Variants in CDH18 observed in about 807,000 individuals in gnomAD.
The protein encoded by CDH18 is cadherin-18.
CDH18 carries 31 observed loss-of-function variants against 67.9 expected under a neutral mutation model. That is an observed-to-expected ratio of 0.46 (90% CI 0.34 to 0.62). The LOEUF is 0.62. Ranked by LOEUF, CDH18 falls within the 20% of genes least tolerant of loss-of-function variation. The probability of loss-of-function intolerance (pLI) is 0.01; values close to 1 mark genes in which losing one functional copy is unlikely to be tolerated. For missense variants in CDH18, 890 were observed against 975.5 expected, an observed-to-expected ratio of 0.91 and a Z score of 1.17; for synonymous variants, 362 against 347.2, an observed-to-expected ratio of 1.04 and a Z score of -0.48.
intron 2 of CDH18, among the ~76,000 whole-genome samples, chr5:20,042,842 G>A (rs1241345799): frequency 6.6e-6 from 1 of 151,886 alleles, no homozygotes; most frequent in Admixed American, 6.6e-5. Context: ...GGCGCCTGTA[G>A]TCCCAGCTAC....
chr5:20,215,248 C>T (rs541151530), intron 2 of CDH18, among the ~76,000 whole-genome samples: 1 of 151,756 alleles, frequency 6.6e-6, no homozygotes, highest in Admixed American at 6.6e-5. Context: ...TTGAGCAATA[C>T]TCGAACAATT....
At chr5:20,081,487 T>G (rs1467547938) in intron 2 of CDH18, among the ~76,000 whole-genome samples, 1 of 152,158 alleles carries the variant, frequency 6.6e-6, no homozygotes, top group Non-Finnish European at 1.5e-5. Context: ...ACCATAAAGA[T>G]ACATGCATAA....
At chr5:19,834,466 A>C (rs951722299) in intron 3 of CDH18, among the ~76,000 whole-genome samples, 1 of 151,700 alleles carries the variant, frequency 6.6e-6, no homozygotes, top group Non-Finnish European at 1.5e-5. Flanking sequence ...ATTTTTTTCA[A>C]AAAAAACAGC....
chr5:20,304,494 T>G, intron 1 of CDH18: 2 of 1,592,916 alleles, frequency 1.3e-6, no homozygotes, highest in Non-Finnish European at 8.6e-7. Context: ...TCCAATGGTT[T>G]AGTGCGAAAT....
chr5:19,579,901 C>G (rs1742954153), intron 7 of CDH18, among the ~76,000 whole-genome samples: 1 of 151,538 alleles, frequency 6.6e-6, no homozygotes, highest in South Asian at 2.1e-4. Flanking sequence ...TCAATCCACC[C>G]CCCCCAAAGA....
chr5:19,541,893 C>T (rs1490698708), intron 9 of CDH18, among the ~76,000 whole-genome samples: 1 of 152,130 alleles, frequency 6.6e-6, no homozygotes, highest in African/African-American at 2.4e-5. Flanking sequence ...TATTTCTTAA[C>T]TAAGTTTTAA....
chr5:20,033,645 A>G (rs980495656), intron 2 of CDH18, among the ~76,000 whole-genome samples: 1 of 152,050 alleles, frequency 6.6e-6, no homozygotes, highest in Non-Finnish European at 1.5e-5. Flanking sequence ...TCAGAAAGAG[A>G]CTATTTTAAA....
intron 1 of CDH18, among the ~76,000 whole-genome samples, chr5:20,508,204 A>C (rs930017603): frequency 2.6e-5 from 4 of 151,262 alleles, no homozygotes; most frequent in Non-Finnish European, 1.5e-5. Flanking sequence ...ACTTTTCTTA[A>C]AACACAATGT....
chr5:20,189,423 TC>T, intron 2 of CDH18, among the ~76,000 whole-genome samples: 1 of 152,238 alleles, frequency 6.6e-6, no homozygotes. Flanking sequence ...TGGAAGACAT[TC>T]AAATGATAAC....
intron 4 of CDH18, among the ~76,000 whole-genome samples, chr5:19,736,476 T>C (rs1768342635): frequency 6.6e-6 from 1 of 152,190 alleles, no homozygotes; most frequent in African/African-American, 2.4e-5. Flanking sequence ...TCTTGAAAGA[T>C]AAATAATGAT....
chr5:19,574,080 T>C (rs1348064884), intron 7 of CDH18, among the ~76,000 whole-genome samples: 1 of 152,178 alleles, frequency 6.6e-6, no homozygotes, highest in African/African-American at 2.4e-5. Context: ...TTTTGGACTT[T>C]TCAATGAAAT....
rs144349245 is a variant in CDH18 at position 19,554,677 on chromosome 5, T to C, written c.1254-10672A>G. Among the ~76,000 whole-genome samples the C allele has an allele frequency of 2.0e-3, 310 of 152,278 alleles. 3 individuals are homozygous for C. Among genetic ancestry groups the C allele is most frequent in the African/African-American group, 7.0e-3 (291 of 41,552 alleles). On this transcript the variant is annotated intron_variant, in intron 8 of 12. Transcript: ENST00000382275. Reference sequence around the variant, plus strand: ...AGGGCTAAGGTACTTATTCTAATTATGCACACCTTCCCAGAACACAGGTTC... The same window carrying C: ...AGGGCTAAGGTACTTATTCTAATTACGCACACCTTCCCAGAACACAGGTTC...
intron 1 of CDH18, among the ~76,000 whole-genome samples, chr5:20,569,301 G>C (rs147839413): frequency 6.6e-6 from 1 of 152,040 alleles, no homozygotes; most frequent in South Asian, 2.1e-4. Context: ...CTTGTACTAC[G>C]AGCCAATATT....
At position 20,154,855 on chromosome 5, in the gene CDH18, C is replaced by G. The variant is rs1751400474; in HGVS notation, c.-518+100589G>C. 2.0e-5 allele frequency among the ~76,000 whole-genome samples: 3 copies of G among 152,162 alleles called. No homozygotes were observed. The South Asian group carries it at 6.2e-4, about 31-fold the overall frequency. ...TGCCCTGACTTCAGACTATTTTACT[C>G]CCTATAACAAGTTCTTGCTTTTTCC... On this transcript the variant is annotated intron_variant, in intron 2 of 14. Coordinates refer to the CDH18 transcript ENST00000507958.
chr5:19,566,352 T>G (rs1740395706), intron 8 of CDH18, among the ~76,000 whole-genome samples: 1 of 152,218 alleles, frequency 6.6e-6, no homozygotes, highest in African/African-American at 2.4e-5. Flanking sequence ...CTCCCTATGA[T>G]GCAGCAATCC....
At chr5:19,647,156 A>C (rs1251984250) in intron 5 of CDH18, among the ~76,000 whole-genome samples, 2 of 152,106 alleles carry the variant, frequency 1.3e-5, no homozygotes, top group African/African-American at 4.8e-5. Flanking sequence ...AAAAGTAGAC[A>C]TCCCTAACGT....
intron 1 of CDH18, among the ~76,000 whole-genome samples, chr5:20,257,315 A>G (rs1462101822): frequency 2.6e-5 from 4 of 152,096 alleles, no homozygotes; most frequent in Non-Finnish European, 5.9e-5. Context: ...TTTCCAATAA[A>G]TAATTTTAAA....
At chr5:19,972,965 T>C (rs901003232) in intron 2 of CDH18, among the ~76,000 whole-genome samples, 3 of 151,956 alleles carry the variant, frequency 2.0e-5, no homozygotes, top group Non-Finnish European at 2.9e-5. Flanking sequence ...TATTATTATC[T>C]GAAGTAATAG....
chr5:19,538,253 C>T (rs561694566), intron 9 of CDH18, among the ~76,000 whole-genome samples: 1 of 152,236 alleles, frequency 6.6e-6, no homozygotes, highest in African/African-American at 2.4e-5. Context: ...AAGTAGAGAA[C>T]CCAGTTGAGC....
Sources: allele counts gnomAD v4.1 joint callset (sites outside exome capture counted in the v4.1 genomes callset), GRCh38; gene constraint gnomAD v4.1.1; transcripts MANE v1.5; gene names NCBI Gene and HGNC (gene_info 2026-07-23, HGNC 2026-07-21).